Variants in WDR7 observed in about 807,000 individuals in gnomAD.
The protein encoded by WDR7 is WD repeat-containing protein 7.
WDR7 carries 46 observed loss-of-function variants against 169.4 expected under a neutral mutation model. That is an observed-to-expected ratio of 0.27 (90% CI 0.21 to 0.35). The LOEUF (loss-of-function observed/expected upper bound fraction) is 0.35. WDR7 is among the 10% of genes least tolerant of loss of function. The pLI is 1.00. For missense variants in WDR7, 1,534 were observed against 1,859.3 expected (o/e 0.83, Z 3.22); for synonymous variants, 612 against 666.8 (o/e 0.92, Z 1.27).
intron 20 of WDR7, among the ~76,000 whole-genome samples, chr18:56,865,027 A>G (rs2045862101): frequency 2.0e-5 from 3 of 151,978 alleles, no homozygotes; most frequent in Non-Finnish European, 2.9e-5. Flanking sequence ...TTTGTATCCA[A>G]TGCACTCTAA....
chr18:56,953,806 A>G (rs1476926368), intron 25 of WDR7, among the ~76,000 whole-genome samples: 1 of 152,246 alleles, frequency 6.6e-6, no homozygotes, highest in Admixed American at 6.5e-5. Flanking sequence ...AGGCAGATAT[A>G]TCCTTCTGAC....
chr18:56,757,606 T>A (rs1238966862), intron 15 of WDR7, among the ~76,000 whole-genome samples: 1 of 152,166 alleles, frequency 6.6e-6, no homozygotes, highest in Non-Finnish European at 1.5e-5. Context: ...GTTGGTCATA[T>A]AGACTAGCTC....
At chr18:56,669,848 A>G (rs998081536) in intron 1 of WDR7, among the ~76,000 whole-genome samples, 7 of 152,182 alleles carry the variant, frequency 4.6e-5, no homozygotes, top group African/African-American at 1.7e-4. Flanking sequence ...TTTGGAACAT[A>G]TTGAAGTTTT....
intron 16 of WDR7, among the ~76,000 whole-genome samples, chr18:56,773,653 G>A (rs944440856): frequency 1.3e-5 from 2 of 152,024 alleles, no homozygotes; most frequent in East Asian, 1.9e-4. Context: ...TAAAAAAGAG[G>A]CAATGAAACC....
intron 12 of WDR7, among the ~76,000 whole-genome samples, chr18:56,717,477 A>T (rs1598986090): frequency 6.6e-6 from 1 of 152,246 alleles, no homozygotes; most frequent in East Asian, 1.9e-4. Context: ...ATGACTCCTA[A>T]GAAATGATCG....
At chr18:56,731,698 C>T in intron 14 of WDR7, 101 bp downstream of exon 14, 3 of 1,052,216 alleles carry the variant, frequency 2.9e-6, no homozygotes, top group Middle Eastern at 4.4e-4. Context: ...TGAGAAATGA[C>T]CCTTGAAAAA....
chr18:56,708,945 A>G, intron 12 of WDR7, among the ~76,000 whole-genome samples: 1 of 151,972 alleles, frequency 6.6e-6, no homozygotes, highest in South Asian at 2.1e-4. Context: ...TCAAACAACA[A>G]CAACAACAGC....
intron 2 of WDR7, 133 bp from the exon 3 acceptor site, chr18:56,679,199 A>T: frequency 1.5e-6 from 1 of 649,826 alleles, no homozygotes; most frequent in Non-Finnish European, 2.5e-6. Flanking sequence ...AGTGCTTTGC[A>T]AGAGCCAGGG....
chr18:56,672,096 C>G (rs1477987866), intron 1 of WDR7, among the ~76,000 whole-genome samples: 1 of 152,054 alleles, frequency 6.6e-6, no homozygotes, highest in Non-Finnish European at 1.5e-5. Flanking sequence ...TTCTAGTCAG[C>G]CAATGTCAAA....
intron 20 of WDR7, among the ~76,000 whole-genome samples, chr18:56,832,826 T>C (rs573023298): frequency 2.6e-5 from 4 of 152,060 alleles, no homozygotes; most frequent in Admixed American, 1.3e-4. Context: ...AAAAACCCCA[T>C]CTGAAGGTCA....
intron 21 of WDR7, among the ~76,000 whole-genome samples, chr18:56,890,049 A>G (rs2046244351): frequency 6.6e-6 from 1 of 152,176 alleles, no homozygotes; most frequent in Non-Finnish European, 1.5e-5. Context: ...TTTCCCTAGG[A>G]AAAGGATGCA....
intron 12 of WDR7, among the ~76,000 whole-genome samples, chr18:56,697,187 T>C (rs1038757240): frequency 2.6e-5 from 4 of 152,222 alleles, no homozygotes; most frequent in African/African-American, 9.7e-5. Flanking sequence ...ATCGTCTTCT[T>C]GTAGACAAGT....
intron 12 of WDR7, among the ~76,000 whole-genome samples, chr18:56,700,866 A>G (rs1178143438): frequency 8.5e-5 from 13 of 152,260 alleles, no homozygotes; most frequent in Admixed American, 6.5e-4. Context: ...TGTTTCTTAA[A>G]AAAGCAAAAG....
chr18:56,887,484 T>C lies in WDR7; in HGVS notation c.3526+7319T>C, dbSNP rs536691719. ...TTTATGAGCGATTTTGGGAAGTTTCTAGCAGGCAAGGAATAGTGTATCAGA... is the reference window on the plus strand; with the variant it reads ...TTTATGAGCGATTTTGGGAAGTTTCCAGCAGGCAAGGAATAGTGTATCAGA... On this transcript the variant is annotated intron_variant, in intron 21 of 27. Transcript: ENST00000254442. Among the ~76,000 whole-genome samples the C allele has an allele frequency of 1.0e-3, 159 of 152,338 alleles. 2 individuals carry two copies. The highest frequency in any genetic ancestry group is 3.6e-3 in the African/African-American group (151 of 41,572).
At chr18:57,009,809 A>G (rs2048112896) in intron 26 of WDR7, 12 of 971,926 alleles carry the variant, frequency 1.2e-5, no homozygotes, top group Non-Finnish European at 1.5e-5. Context: ...TAGCTTTATA[A>G]TCTACATCAG....
intron 26 of WDR7, among the ~76,000 whole-genome samples, chr18:56,995,884 T>C (rs1225812921): frequency 6.6e-6 from 1 of 152,204 alleles, no homozygotes; most frequent in Non-Finnish European, 1.5e-5. Flanking sequence ...GAATGGGGTC[T>C]GCAGGTGAAG....
At chr18:57,032,801 T>TTATTTATATATATATATA (rs1210749361), downstream of WDR7, 1 of 106,190 alleles carries the variant, frequency 9.4e-6, no homozygotes, top group African/African-American at 3.2e-5. Context: ...TATAATTATT[T>TTATTTATATATATATATA]TATATATATA....
intron 25 of WDR7, among the ~76,000 whole-genome samples, chr18:56,941,148 A>G (rs2047031006): frequency 6.6e-6 from 1 of 152,198 alleles, no homozygotes; most frequent in African/African-American, 2.4e-5. Context: ...CACGGGGCAC[A>G]GGAGAGGTAA....
intron 13 of WDR7, among the ~76,000 whole-genome samples, chr18:56,730,346 C>T (rs1011998332): frequency 6.6e-6 from 1 of 152,102 alleles, no homozygotes; most frequent in Non-Finnish European, 1.5e-5. Flanking sequence ...GAAAATGTAA[C>T]ATTAAGAGCT....
Sources: allele counts gnomAD v4.1 joint callset (sites outside exome capture counted in the v4.1 genomes callset), GRCh38; gene constraint gnomAD v4.1.1; transcripts MANE v1.5; gene names NCBI Gene and HGNC (gene_info 2026-07-23, HGNC 2026-07-21).